FEZF1: variants seen among roughly 807,000 people sequenced by gnomAD.
FEZF1 encodes the protein FEZ family zinc finger 1, also known as fez family zinc finger protein 1.
Under a neutral mutation model 32.4 loss-of-function variants are expected in FEZF1, and 8 were observed. The observed-to-expected ratio is 0.25, with a 90% CI of 0.15 to 0.45. The LOEUF is 0.45. Ranked by LOEUF, FEZF1 falls within the 20% of genes least tolerant of loss-of-function variation. FEZF1 has a pLI of 1.00. For missense variants in FEZF1, 546 were observed against 622.3 expected (o/e 0.88, Z 1.31); for synonymous variants, 259 against 265.2 (o/e 0.98, Z 0.23).
chr7:122,301,990 G>A lies in FEZF1; in HGVS notation c.*7C>T, dbSNP rs779633991. 3 of 1,582,454 alleles carry A rather than the reference G, an allele frequency of 1.9e-6. No homozygotes were observed. Among genetic ancestry groups the A allele is most frequent in the Middle Eastern group, 3.7e-4 (2 of 5,400 alleles). On this transcript the variant is annotated 3_prime_UTR_variant, in exon 4 of 4. Coordinates refer to ENST00000442488, the MANE Select transcript of FEZF1 (RefSeq NM_001024613.4). ...ACGGCTGAGGCTGGGAGGACCCTTA[G>A]CCTCGATCACTGGTGGCCCTGGTGG...
Position 122,304,530 on chromosome 7 carries a change from G to A in FEZF1, c.-93C>T, listed in dbSNP as rs1271263098. On this transcript the variant is annotated 5_prime_UTR_variant, in exon 1 of 4. Transcript: ENST00000442488. ...CACAGACCTGCGGAGAGGGGGACGG[G>A]CACCATCACCACCAGTAGCCTCCTC... The A allele has an allele frequency of 6.3e-6, 7 of 1,103,770 alleles. No individual in the cohort carries two copies. Among genetic ancestry groups the A allele is most frequent in the Non-Finnish European group, 6.3e-6 (5 of 794,292 alleles). 68.4% of individuals were successfully genotyped at this position (1,103,770 alleles called of 1,614,324 possible). A position where few individuals can be genotyped will look rare whatever the true frequency, so the allele number is the denominator to read the frequency against.
At chr7:122,304,754 T>C (rs946895885), upstream of FEZF1, 1 of 327,358 alleles carries the variant, frequency 3.1e-6, no homozygotes, top group African/African-American at 2.1e-5. Context: ...GTAAACTAGA[T>C]AATTGCTCAA....
chr7:122,307,811 C>A (rs926097169), upstream of FEZF1, among the ~76,000 whole-genome samples: 4 of 152,174 alleles, frequency 2.6e-5, no homozygotes, highest in African/African-American at 4.8e-5. Context: ...CAACTCCAGG[C>A]CTTGATATCC....
Position 122,302,458 on chromosome 7 carries a change from C to T in FEZF1, c.1070-103G>A. The T allele has an allele frequency of 6.6e-7, 1 of 1,509,302 alleles. No individual in the cohort carries two copies. 93.5% of individuals were successfully genotyped at this position (1,509,302 alleles called of 1,614,324 possible). A position where few individuals can be genotyped will look rare whatever the true frequency, so the allele number is the denominator to read the frequency against. ...TAGCGCCAGGCAAGCAGAAGAGCCGCCACAGGTCCCACAACAAGTGCAGGG... is the reference window on the plus strand; with the variant it reads ...TAGCGCCAGGCAAGCAGAAGAGCCGTCACAGGTCCCACAACAAGTGCAGGG... On this transcript the variant is annotated intron_variant, in intron 3 of 3. Transcript: ENST00000442488. The surrounding 1 kb of genome is among the most constrained non-coding windows in gnomAD (Gnocchi z 4.4).
At chr7:122,303,074 C>T in intron 2 of FEZF1, 103 bp downstream of exon 2, 2 of 1,561,936 alleles carry the variant, frequency 1.3e-6, no homozygotes, top group Non-Finnish European at 1.7e-6. Flanking sequence ...GTTTAGCTAG[C>T]ACTTTTTAAA....
chr7:122,306,651 TGGCAGCTG>T (rs1282204864), upstream of FEZF1: 2 of 152,068 alleles, frequency 1.3e-5, no homozygotes, highest in East Asian at 3.9e-4. Context: ...AGAAAGGCAG[TGGCAGCTG>T]GGTGAGTGGT....
upstream of FEZF1, among the ~76,000 whole-genome samples, chr7:122,307,806 C>T (rs2150620196): frequency 6.6e-6 from 1 of 152,320 alleles, no homozygotes; most frequent in East Asian, 1.9e-4. Flanking sequence ...CTTTACAACT[C>T]CAGGCCTTGA....
Position 122,304,720 on chromosome 7 carries a change from A to C in FEZF1, c.-283T>G. The C allele has an allele frequency of 2.6e-6, 1 of 387,742 alleles. No homozygotes were observed. The highest frequency in any genetic ancestry group is 4.8e-6 in the Non-Finnish European group (1 of 209,980). 24.0% of individuals were successfully genotyped at this position (387,742 alleles called of 1,614,324 possible). A position where few individuals can be genotyped will look rare whatever the true frequency, so the allele number is the denominator to read the frequency against. On this transcript the variant is annotated 5_prime_UTR_variant, in exon 1 of 4. Transcript: ENST00000442488. ...CAATAACGCAGCCAAGATCTCGCCA[A>C]TCGTTAACTTCCAAGAGGAGAAGGT...
Position 122,303,311 on chromosome 7 carries a change from C to A in FEZF1, c.802G>T (p.Val268Phe). ...KVFTCEVCGKVFNAHYNLTRH... is the reference protein window; with the variant it reads ...KVFTCEVCGKFFNAHYNLTRH... ...GTTAAGTTATAGTGCGCATTAAAGACCTTAAAATTAAACACACGTAGAACA... is the reference window on the plus strand; with the variant it reads ...GTTAAGTTATAGTGCGCATTAAAGAACTTAAAATTAAACACACGTAGAACA... The change falls in exon 2 of 4, where the codon GTC becomes TTC. Residue 268 changes from valine to phenylalanine, a missense_variant and splice_region_variant. Transcript: ENST00000442488. 2 of 1,613,808 alleles carry A rather than the reference C, an allele frequency of 1.2e-6. No individual in the cohort carries two copies. The highest frequency in any genetic ancestry group is 1.7e-6 in the Non-Finnish European group (2 of 1,180,010).
At chr7:122,308,523 T>C (rs145246895), upstream of FEZF1, 118 of 152,324 alleles carry the variant, frequency 7.7e-4, no homozygotes, top group African/African-American at 2.6e-3. Context: ...GCAAATGCAG[T>C]TTCTGGCTAT....
At chr7:122,304,876 C>T (rs1294687871), upstream of FEZF1, 4 of 155,860 alleles carry the variant, frequency 2.6e-5, no homozygotes, top group African/African-American at 9.6e-5. Context: ...GCGCTTTCAC[C>T]CGCTTGGCGC....
In FEZF1 at chr7:122,301,766, C is replaced by T. The variant is rs1374347212; in HGVS notation, c.*231G>A. 2.3e-6 allele frequency: 1 copy of T among 438,324 alleles called. No homozygotes were observed. Among genetic ancestry groups the T allele is most frequent in the Non-Finnish European group, 3.9e-6 (1 of 257,384 alleles). The allele number at this position is 438,324 out of a possible 1,614,324, so 27.2% of individuals were successfully genotyped here. ...AAGAAAAACAGAAAACAAGCAAAAC[C>T]CTCCAAATTTTTCATAATTGTTAGT... On this transcript the variant is annotated 3_prime_UTR_variant, in exon 4 of 4. Transcript: ENST00000442488.
Position 122,304,431 on chromosome 7 carries a change from T to C in FEZF1, c.7A>G (p.Ser3Gly). Residue 3 changes from serine (S) to glycine (G), a missense_variant, in exon 1 of 4, where the codon AGT becomes GGT. Ser to Gly is a moderately conservative substitution (Grantham distance 56). Around this residue, in one of 3 missense-constraint regions of FEZF1, gnomAD observed 345 missense variants for 360.6 expected, o/e 0.96. Coordinates refer to ENST00000442488, the MANE Select transcript of FEZF1 (RefSeq NM_001024613.4). ...TTGGTAGTCGCGTTGTGGCAGCTAC[T>C]GTCCATGTCTGAGTCGCCAGCGTCC... Reference protein sequence around the residue: MDSSCHNATTKML... With the variant: MDGSCHNATTKML... The C allele has an allele frequency of 6.4e-7, 1 of 1,550,538 alleles. No homozygotes were observed. The highest frequency in any genetic ancestry group is 8.7e-7 in the Non-Finnish European group (1 of 1,143,044).
chr7:122,308,540 T>G (rs1252539061), upstream of FEZF1: 1 of 152,204 alleles, frequency 6.6e-6, no homozygotes, highest in East Asian at 1.9e-4. Flanking sequence ...CTATGGTTAC[T>G]GCAATTCGAA....
intron 1 of FEZF1, 54 bp from the exon 2 acceptor site, chr7:122,303,365 A>G: frequency 6.2e-7 from 1 of 1,605,958 alleles, no homozygotes; most frequent in Non-Finnish European, 8.5e-7. Context: ...CTTTGAAATC[A>G]AACCGGGCAG....
chr7:122,304,682 G>C lies in FEZF1; in HGVS notation c.-245C>G, dbSNP rs2031213721. On this transcript the variant is annotated 5_prime_UTR_variant, in exon 1 of 4. Transcript: ENST00000442488. Reference sequence around the variant, plus strand: ...CAATCACTACTTATTTCTATCAATAGAAAGTGTTGTGTCAATAACGCAGCC... The same window carrying C: ...CAATCACTACTTATTTCTATCAATACAAAGTGTTGTGTCAATAACGCAGCC... 1 of 429,338 alleles carries C rather than the reference G, an allele frequency of 2.3e-6. No homozygotes were observed. Among genetic ancestry groups the C allele is most frequent in the Non-Finnish European group, 4.2e-6 (1 of 235,910 alleles). The allele number at this position is 429,338 out of a possible 1,614,324, so 26.6% of individuals were successfully genotyped here. A position where few individuals can be genotyped will look rare whatever the true frequency, so the allele number is the denominator to read the frequency against.
chr7:122,302,336 C>T lies in FEZF1; in HGVS notation c.1089G>A (p.Lys363=), dbSNP rs1259493987. Residue 363 remains lysine, a synonymous_variant, in exon 4 of 4, where the codon AAG becomes AAA. Coordinates refer to ENST00000442488, the MANE Select transcript of FEZF1 (RefSeq NM_001024613.4). The surrounding 1 kb of genome is among the most constrained non-coding windows in gnomAD (Gnocchi z 4.4). ...FHQKGNYKNH[K]LTHSGEKQFK... ...ACTGCTTCTCCCCGCTGTGGGTCAACTTGTGGTTTTTGTAATTCCCTGAAA... is the reference window on the plus strand; with the variant it reads ...ACTGCTTCTCCCCGCTGTGGGTCAATTTGTGGTTTTTGTAATTCCCTGAAA... 2.4e-5 allele frequency: 38 copies of T among 1,613,892 alleles called. No individual in the cohort carries two copies. Among genetic ancestry groups the T allele is most frequent in the Admixed American group, 5.0e-5 (3 of 60,000 alleles).
upstream of FEZF1, chr7:122,307,583 G>A (rs2031320152): frequency 6.6e-6 from 1 of 152,250 alleles, no homozygotes; most frequent in Non-Finnish European, 1.5e-5. Context: ...CTCCTTTGGT[G>A]TATACCAAAC....
upstream of FEZF1, chr7:122,309,549 A>T (rs1441180298): frequency 4.0e-5 from 6 of 151,694 alleles, no homozygotes; most frequent in Non-Finnish European, 5.9e-5. Flanking sequence ...CTGACCCTCC[A>T]CTAATGCTGA....
Sources: gnomAD v4.1 joint callset for allele counts (sites outside exome capture counted in the v4.1 genomes callset) on GRCh38, gnomAD v4.1.1 for gene constraint, gnomAD v4.1.1 regional missense constraint, Gnocchi (gnomAD v3.1) non-coding constraint, MANE v1.5 for transcripts, NCBI Gene and HGNC (gene_info 2026-07-23, HGNC 2026-07-21) for gene names.